DSCAM: variants seen among roughly 807,000 people sequenced by gnomAD.
DSCAM encodes the protein cell adhesion molecule DSCAM.
A neutral mutation model predicts 217.7 loss-of-function variants in DSCAM; 47 were observed. That is an observed-to-expected ratio of 0.22 (90% CI 0.17 to 0.28). The LOEUF is 0.28. DSCAM is among the 10% of genes least tolerant of loss of function. DSCAM has a pLI of 1.00. For synonymous variants in DSCAM, 1,056 were observed against 1,015.3 expected (o/e 1.04, Z -0.76); for missense variants, 2,080 against 2,618.3 (o/e 0.79, Z 4.49).
At chr21:40,434,736 G>C (rs2075567663) in intron 3 of DSCAM, among the ~76,000 whole-genome samples, 1 of 152,056 alleles carries the variant, frequency 6.6e-6, no homozygotes, top group South Asian at 2.1e-4. Context: ...GTAATTATTT[G>C]TTATTCTCAA....
In DSCAM at chr21:40,708,757, G is replaced by A; in HGVS notation, c.58C>T (p.Leu20=). Residue 20 remains leucine, a synonymous_variant, in exon 2 of 33, where the codon CTA becomes TTA. Coordinates refer to ENST00000400454, the MANE Select transcript of DSCAM (RefSeq NM_001389.5). ...TTGACAAAGTAGAGGCTGGAGTGTA[G>A]GTCTTCACTGAAAACTGCAAGAAGA... is the stretch of plus-strand genomic sequence containing the variant. ...QSFANVFSED[L]HSSLYFVNAS... is the part of the protein sequence containing the mutation. 4.5e-6 allele frequency: 7 copies of A among 1,563,244 alleles called. No individual in the cohort carries two copies. The highest frequency in any genetic ancestry group is 2.4e-5 in the South Asian group (2 of 82,470).
intron 11 of DSCAM, among the ~76,000 whole-genome samples, chr21:40,192,052 T>A (rs2090957725): frequency 6.6e-6 from 1 of 152,204 alleles, no homozygotes; most frequent in Non-Finnish European, 1.5e-5. Context: ...TACAAATATA[T>A]TTATATTATC....
At chr21:40,428,525 C>G (rs2075498753) in intron 3 of DSCAM, among the ~76,000 whole-genome samples, 1 of 152,074 alleles carries the variant, frequency 6.6e-6, no homozygotes, top group Admixed American at 6.6e-5. Flanking sequence ...CCGCCTCAGC[C>G]TCCAAAAGTG....
chr21:40,079,530 C>A (rs1230729395), intron 25 of DSCAM, among the ~76,000 whole-genome samples: 1 of 152,162 alleles, frequency 6.6e-6, no homozygotes, highest in Non-Finnish European at 1.5e-5. Context: ...CGCTCTCCTG[C>A]CATCTGACCC....
intron 3 of DSCAM, among the ~76,000 whole-genome samples, chr21:40,508,752 TATATATATATATATATATATATATATA>T (rs1334858957): frequency 1.0e-3 from 3 of 2,940 alleles, no homozygotes; most frequent in African/African-American, 5.7e-3. Context: ...TATATATATA[TATATATATATATATATATATATATATA>T]TATATTTTTT....
rs386394799 is a variant in DSCAM at position 40,766,670 on chromosome 21, A to AG, written c.44-57900_44-57899insC. Among the ~76,000 whole-genome samples, 6 of 12,090 alleles carry AG rather than the reference A, an allele frequency of 5.0e-4. No homozygotes were observed. In the Admixed American group the frequency reaches 5.2e-3, roughly 10 times the overall value. 7.9% of individuals were successfully genotyped at this position (12,090 alleles called of 152,430 possible). ...TTTAAAAAGACAAAACAACAATTCC[A>AG]AAAAAAAAAAAAAAAAAACAACTTT... is the stretch of plus-strand genomic sequence containing the variant. On this transcript the variant is annotated intron_variant, in intron 1 of 32. Transcript: ENST00000400454.
intron 1 of DSCAM, among the ~76,000 whole-genome samples, chr21:40,735,173 T>G (rs535723727): frequency 5.9e-5 from 9 of 152,234 alleles, no homozygotes; most frequent in African/African-American, 1.2e-4. Context: ...TCCAGTTGAT[T>G]TAAAGTTCCA....
At chr21:40,817,070 T>A (rs531587306) in intron 1 of DSCAM, among the ~76,000 whole-genome samples, 1 of 146,484 alleles carries the variant, frequency 6.8e-6, no homozygotes, top group African/African-American at 2.5e-5. Flanking sequence ...TTTAAAGATA[T>A]GCAGTAAATT....
At chr21:40,340,626 T>C (rs1388114743) in intron 6 of DSCAM, among the ~76,000 whole-genome samples, 1 of 152,180 alleles carries the variant, frequency 6.6e-6, no homozygotes, top group African/African-American at 2.4e-5. Flanking sequence ...ACATCTTTTG[T>C]TTTTTAAAAG....
chr21:40,734,008 C>A (rs1225332050), intron 1 of DSCAM, among the ~76,000 whole-genome samples: 1 of 152,084 alleles, frequency 6.6e-6, no homozygotes, highest in Non-Finnish European at 1.5e-5. Context: ...ATCCGTAAAC[C>A]CCGACATCAC....
intron 2 of DSCAM, among the ~76,000 whole-genome samples, chr21:40,704,400 AC>A (rs1336655174): frequency 1.3e-5 from 2 of 152,168 alleles, no homozygotes; most frequent in Non-Finnish European, 2.9e-5. Context: ...TTCATTTTAT[AC>A]TATAATTTGT....
chr21:40,584,340 G>C (rs2076927808), intron 3 of DSCAM, among the ~76,000 whole-genome samples: 1 of 152,176 alleles, frequency 6.6e-6, no homozygotes, highest in Non-Finnish European at 1.5e-5. Context: ...AAATCCATCT[G>C]CAAGTCAGAT....
intron 1 of DSCAM, among the ~76,000 whole-genome samples, chr21:40,794,927 A>T (rs2091678537): frequency 6.9e-6 from 1 of 144,630 alleles, no homozygotes; most frequent in African/African-American, 2.5e-5. Flanking sequence ...GAACAATTGC[A>T]TCAACAAGGA....
At chr21:40,353,430 C>T (rs773899842) in intron 5 of DSCAM, 35 bp downstream of exon 5, 1 of 1,583,946 alleles carries the variant, frequency 6.3e-7, no homozygotes, top group Admixed American at 2.0e-5. Flanking sequence ...TCGATGGAAG[C>T]CAACACCACC....
chr21:40,664,604 C>T (rs1445283921), intron 3 of DSCAM, among the ~76,000 whole-genome samples: 1 of 152,204 alleles, frequency 6.6e-6, no homozygotes, highest in Non-Finnish European at 1.5e-5. Flanking sequence ...GTGTTCCATG[C>T]TTTCATGTTA....
At chr21:40,664,761 C>A (rs1349002851) in intron 3 of DSCAM, among the ~76,000 whole-genome samples, 2 of 152,116 alleles carry the variant, frequency 1.3e-5, no homozygotes, top group Non-Finnish European at 2.9e-5. Flanking sequence ...GACTTTTGTT[C>A]AGAGGAGAAG....
chr21:40,361,220 T>A (rs935711010), intron 4 of DSCAM, among the ~76,000 whole-genome samples: 4 of 152,100 alleles, frequency 2.6e-5, no homozygotes, highest in Non-Finnish European at 5.9e-5. Flanking sequence ...ACGCATCCCA[T>A]ATATTCATCA....
At chr21:40,190,398 G>A (rs934598136) in intron 11 of DSCAM, among the ~76,000 whole-genome samples, 2 of 152,188 alleles carry the variant, frequency 1.3e-5, no homozygotes, top group Non-Finnish European at 2.9e-5. Flanking sequence ...TATAATGGCG[G>A]TGCTTTGACT....
At chr21:40,761,036 T>C (rs981648799) in intron 1 of DSCAM, among the ~76,000 whole-genome samples, 3 of 152,198 alleles carry the variant, frequency 2.0e-5, no homozygotes, top group Non-Finnish European at 2.9e-5. Context: ...GCAACAGTCA[T>C]TGTTGAATTT....
Sources: gnomAD v4.1 joint callset for allele counts (sites outside exome capture counted in the v4.1 genomes callset) on GRCh38, gnomAD v4.1.1 for gene constraint, MANE v1.5 for transcripts, NCBI Gene and HGNC (gene_info 2026-07-23, HGNC 2026-07-21) for gene names.